NUDT6: variants seen among roughly 807,000 people sequenced by gnomAD.
The protein encoded by NUDT6 is nudix hydrolase 6.
A neutral mutation model predicts 36.8 loss-of-function variants in NUDT6; 24 were observed. That is an observed-to-expected ratio of 0.65 (90% CI 0.47 to 0.92). The LOEUF (loss-of-function observed/expected upper bound fraction) is 0.92. NUDT6 is among the 40% of genes least tolerant of loss of function. NUDT6 has a pLI of 0.00. For synonymous variants in NUDT6, 163 were observed against 157.0 expected, an observed-to-expected ratio of 1.04 and a Z score of -0.29; for missense variants, 388 against 392.8, an observed-to-expected ratio of 0.99 and a Z score of 0.10.
At chr4:122,894,421 A>G (rs1161360267) in intron 4 of NUDT6, 4 of 152,246 alleles carry the variant, frequency 2.6e-5, no homozygotes, top group African/African-American at 9.7e-5. Flanking sequence ...GTCTCTACAA[A>G]AAAACACAAA....
At chr4:122,918,736 T>C (rs1727902911) in intron 1 of NUDT6, 1 of 152,218 alleles carries the variant, frequency 6.6e-6, no homozygotes, top group Non-Finnish European at 1.5e-5. Flanking sequence ...CATGGGGCCT[T>C]TAATAAAGAC....
chr4:122,906,252 A>G (rs1727614266), intron 3 of NUDT6, among the ~76,000 whole-genome samples: 1 of 152,138 alleles, frequency 6.6e-6, no homozygotes, highest in Non-Finnish European at 1.5e-5. Flanking sequence ...GTCTTGGGGT[A>G]TTCATATTGT....
intron 3 of NUDT6, among the ~76,000 whole-genome samples, chr4:122,910,473 T>C (rs1727711212): frequency 6.6e-6 from 1 of 152,242 alleles, no homozygotes; most frequent in Non-Finnish European, 1.5e-5. Flanking sequence ...AGATTCTTAT[T>C]TGGTAGATTA....
chr4:122,900,429 C>G (rs938646671), intron 3 of NUDT6, among the ~76,000 whole-genome samples: 1 of 150,930 alleles, frequency 6.6e-6, no homozygotes, highest in African/African-American at 2.5e-5. Flanking sequence ...ACAATTTTTC[C>G]CACCACCCTG....
intron 2 of NUDT6, chr4:122,913,226 T>A (rs1381677460): frequency 6.5e-6 from 1 of 152,828 alleles, no homozygotes; most frequent in Non-Finnish European, 1.5e-5. Flanking sequence ...AGCTAGGAAG[T>A]CCAAGATCAA....
intron 4 of NUDT6, chr4:122,894,741 C>T (rs1449891964): frequency 6.6e-6 from 1 of 151,836 alleles, no homozygotes; most frequent in Non-Finnish European, 1.5e-5. Context: ...ATTCATTATG[C>T]TTTGAAAAAT....
intron 2 of NUDT6, among the ~76,000 whole-genome samples, chr4:122,915,064 C>T (rs56002972): frequency 0.078 from 11,907 of 151,968 alleles, 888 homozygotes; most frequent in African/African-American, 0.2. Context: ...GCAGAAACTT[C>T]GGCTATGAAG....
intron 4 of NUDT6, chr4:122,897,103 C>A: frequency 6.6e-6 from 1 of 152,348 alleles, no homozygotes; most frequent in Non-Finnish European, 1.5e-5. Flanking sequence ...TGACATTTTA[C>A]TATGTTTTGA....
At chr4:122,903,858 A>G (rs1578493094) in intron 3 of NUDT6, among the ~76,000 whole-genome samples, 1 of 152,182 alleles carries the variant, frequency 6.6e-6, no homozygotes, top group African/African-American at 2.4e-5. Context: ...TTCATTTTGC[A>G]TCCCCTTCCC....
chr4:122,898,767 C>G (rs1483836574), intron 3 of NUDT6, among the ~76,000 whole-genome samples: 1 of 152,154 alleles, frequency 6.6e-6, no homozygotes, highest in African/African-American at 2.4e-5. Flanking sequence ...TGTAAATATA[C>G]CTCTATATCA....
At chr4:122,895,412 A>G (rs958560639) in intron 4 of NUDT6, 1 of 152,164 alleles carries the variant, frequency 6.6e-6, no homozygotes, top group Non-Finnish European at 1.5e-5. Context: ...TGTTATTTCT[A>G]TTTTGTTATA....
intron 1 of NUDT6, chr4:122,922,100 G>T (rs191375795): frequency 2.4e-6 from 1 of 410,654 alleles, no homozygotes; most frequent in African/African-American, 2.1e-5. Context: ...CCAGCAACCA[G>T]GGTTGCAGAT....
intron 2 of NUDT6, among the ~76,000 whole-genome samples, chr4:122,914,456 C>T (rs1727790971): frequency 6.6e-6 from 1 of 152,148 alleles, no homozygotes; most frequent in Non-Finnish European, 1.5e-5. Context: ...TAAACATGAG[C>T]ACAGTATCAG....
chr4:122,915,725 T>G (rs1727825910), intron 2 of NUDT6, among the ~76,000 whole-genome samples: 1 of 152,148 alleles, frequency 6.6e-6, no homozygotes, highest in Non-Finnish European at 1.5e-5. Context: ...TCTGTAGTAA[T>G]AACTGGGAAC....
intron 3 of NUDT6, among the ~76,000 whole-genome samples, chr4:122,900,716 G>C (rs1344391712): frequency 6.6e-6 from 1 of 151,884 alleles, no homozygotes; most frequent in African/African-American, 2.4e-5. Flanking sequence ...CTCTTCCTGG[G>C]ACCTAATTGG....
chr4:122,899,060 T>TTTTTTTTTTTTTTTTTTTTTTG (rs70955079), intron 3 of NUDT6, among the ~76,000 whole-genome samples: 2 of 145,132 alleles, frequency 1.4e-5, no homozygotes, highest in East Asian at 2.0e-4. Flanking sequence ...TTTTTTTTTT[T>TTTTTTTTTTTTTTTTTTTTTTG]AGAGATGAGA....
chr4:122,897,670 A>G lies in NUDT6; in HGVS notation c.507T>C (p.Asn169=), dbSNP rs1488072426. 2.5e-6 allele frequency: 4 copies of G among 1,604,456 alleles called. 1 individual carries two copies. The highest frequency in any genetic ancestry group is 2.7e-5 in the African/African-American group (2 of 74,784). ...LVVQDRNKLK[N]MWKFPGGLSE... is the part of the protein sequence containing the mutation. ...ACAGGCCTCCTGGAAACTTCCACAT[A>G]TTTTTCAACTGCAGTATAAAGTCAG... Residue 169 remains asparagine (N), a synonymous_variant, in exon 4 of 5, where the codon AAT becomes AAC. Coordinates refer to ENST00000304430, the MANE Select transcript of NUDT6 (RefSeq NM_007083.5).
chr4:122,912,564 T>C lies in NUDT6; in HGVS notation c.498+4A>G. The C allele has an allele frequency of 6.3e-7, 1 of 1,581,826 alleles. No individual in the cohort carries two copies. Among genetic ancestry groups the C allele is most frequent in the South Asian group, 1.1e-5 (1 of 89,800 alleles). ...AAGCAATTTATAAAACAGAAGCAGC[T>C]TACTTTATTTCGATCTTGTACAACC... On this transcript the variant is annotated splice_donor_region_variant and intron_variant, in intron 3 of 4. Transcript: ENST00000304430.
chr4:122,900,899 TTTA>T (rs910073095), intron 3 of NUDT6, among the ~76,000 whole-genome samples: 1 of 152,124 alleles, frequency 6.6e-6, no homozygotes, highest in Non-Finnish European at 1.5e-5. Context: ...CTAGTGATCT[TTTA>T]TTATTCTTTC....
Sources: gnomAD v4.1 joint callset for allele counts (sites outside exome capture counted in the v4.1 genomes callset) on GRCh38, gnomAD v4.1.1 for gene constraint, MANE v1.5 for transcripts, NCBI Gene and HGNC (gene_info 2026-07-23, HGNC 2026-07-21) for gene names.